Variants in IARS2 observed in about 807,000 individuals in gnomAD.
The protein encoded by IARS2 is isoleucyl-tRNA synthetase 2, mitochondrial.
IARS2 carries 56 observed loss-of-function variants against 126.3 expected under a neutral mutation model. That is an observed-to-expected ratio of 0.44 (90% CI 0.36 to 0.55). The LOEUF is 0.55. Among genes scored for constraint, IARS2 ranks in the 20% least tolerant of loss-of-function variants. The pLI is 0.00. For missense variants in IARS2, 1,127 were observed against 1,245.9 expected (o/e 0.90, Z 1.44); for synonymous variants, 407 against 441.1 (o/e 0.92, Z 0.97).
intron 8 of IARS2, among the ~76,000 whole-genome samples, chr1:220,105,664 A>G (rs1571846735): frequency 6.6e-6 from 1 of 152,222 alleles, no homozygotes; most frequent in African/African-American, 2.4e-5. Flanking sequence ...CTTAAACTAC[A>G]TTAACTCTGT....
At chr1:220,140,386 A>C in intron 19 of IARS2, 97 bp downstream of exon 19, 1 of 709,302 alleles carries the variant, frequency 1.4e-6, no homozygotes, top group Non-Finnish European at 2.4e-6. Flanking sequence ...CGGGTGGATG[A>C]CATGAGGCCA....
chr1:220,106,124 C>T, intron 9 of IARS2, 64 bp downstream of exon 9: 1 of 1,346,760 alleles, frequency 7.4e-7, no homozygotes, highest in Non-Finnish European at 1.0e-6. Flanking sequence ...TAAATTCTAA[C>T]CAACATCTTC....
intron 12 of IARS2, among the ~76,000 whole-genome samples, chr1:220,116,870 C>T (rs1384496141): frequency 1.3e-5 from 2 of 152,014 alleles, no homozygotes; most frequent in African/African-American, 4.8e-5. Context: ...CCTCAGCCTC[C>T]TGAGTAGCTG....
Position 220,140,979 on chromosome 1 carries a change from G to A in IARS2, c.2414+690G>A, listed in dbSNP as rs1416832920. On this transcript the variant is annotated intron_variant, in intron 19 of 22. Coordinates refer to ENST00000366922, the MANE Select transcript of IARS2 (RefSeq NM_018060.4). ...AGCCTGGGCGACAGAGCAAGACTCC[G>A]TCTCAAAAAAAAAAAAAAAAAAAGA... Among the ~76,000 whole-genome samples, 9 of 128,428 alleles carry A rather than the reference G, an allele frequency of 7.0e-5. No individual in the cohort carries two copies. In the East Asian group the frequency reaches 1.2e-3, roughly 18 times the overall value. 84.3% of individuals were successfully genotyped at this position (128,428 alleles called of 152,430 possible). A position where few individuals can be genotyped will look rare whatever the true frequency, so the allele number is the denominator to read the frequency against.
intron 1 of IARS2, 150 bp from the exon 2 acceptor site, chr1:220,095,954 C>T (rs910092468): frequency 3.2e-5 from 17 of 538,766 alleles, no homozygotes; most frequent in African/African-American, 2.6e-4. Context: ...TCAGAAACCT[C>T]ACCTTGTATT....
At chr1:220,127,600 G>A (rs966538404) in intron 14 of IARS2, among the ~76,000 whole-genome samples, 1 of 152,192 alleles carries the variant, frequency 6.6e-6, no homozygotes, top group African/African-American at 2.4e-5. Context: ...GGCAGTGATG[G>A]ATCACACAGT....
At chr1:220,106,762 A>G (rs948576288) in intron 9 of IARS2, among the ~76,000 whole-genome samples, 19 of 151,556 alleles carry the variant, frequency 1.3e-4, no homozygotes, top group African/African-American at 4.6e-4. Flanking sequence ...CCTCCCGAGT[A>G]GCTGGGACTA....
Position 220,129,478 on chromosome 1 carries a change from A to G in IARS2, c.1837+2635A>G, listed in dbSNP as rs1657217535. ...ATCCCGTATATGTAACTCCTTTTCTATCCTCATTGACCAAACTCTCTTCAT... is the reference window on the plus strand; with the variant it reads ...ATCCCGTATATGTAACTCCTTTTCTGTCCTCATTGACCAAACTCTCTTCAT... On this transcript the variant is annotated intron_variant, in intron 14 of 22. Coordinates refer to ENST00000366922, the MANE Select transcript of IARS2 (RefSeq NM_018060.4). Among the ~76,000 whole-genome samples, 6 of 152,236 alleles carry G rather than the reference A, an allele frequency of 3.9e-5. No homozygotes were observed. The South Asian group carries it at 1.2e-3, about 32-fold the overall frequency.
At chr1:220,141,042 C>T (rs940218828) in intron 19 of IARS2, among the ~76,000 whole-genome samples, 1 of 151,308 alleles carries the variant, frequency 6.6e-6, no homozygotes, top group Non-Finnish European at 1.5e-5. Flanking sequence ...AAAGGTTTGA[C>T]CTCCCGCTTA....
intron 12 of IARS2, among the ~76,000 whole-genome samples, chr1:220,121,686 C>G (rs1380436713): frequency 6.6e-6 from 1 of 152,090 alleles, no homozygotes; most frequent in South Asian, 2.1e-4. Flanking sequence ...CTCAAGTGAT[C>G]CTCCTGCCTT....
chr1:220,104,059 A>T (rs1045939092), intron 8 of IARS2, among the ~76,000 whole-genome samples: 6 of 152,114 alleles, frequency 3.9e-5, no homozygotes, highest in Non-Finnish European at 5.9e-5. Flanking sequence ...TTGCAGCCTC[A>T]AACTCCCGGG....
chr1:220,144,086 A>G (rs1311192396), intron 21 of IARS2: 11 of 1,058,872 alleles, frequency 1.0e-5, no homozygotes, highest in East Asian at 7.1e-5. Context: ...TTATTTTGCC[A>G]TTTTTCTAGA....
chr1:220,128,810 C>T (rs186935740), intron 14 of IARS2, among the ~76,000 whole-genome samples: 1 of 152,010 alleles, frequency 6.6e-6, no homozygotes, highest in East Asian at 1.9e-4. Flanking sequence ...GTTAAGTGCA[C>T]GTTATATTTG....
chr1:220,113,662 A>C (rs1001190970), intron 11 of IARS2, among the ~76,000 whole-genome samples: 3 of 152,074 alleles, frequency 2.0e-5, no homozygotes, highest in Non-Finnish European at 4.4e-5. Flanking sequence ...GATTTATTTT[A>C]GAGACAGGCT....
intron 17 of IARS2, among the ~76,000 whole-genome samples, chr1:220,138,325 G>T (rs1490197788): frequency 6.6e-6 from 1 of 152,074 alleles, no homozygotes; most frequent in Non-Finnish European, 1.5e-5. Context: ...ACAAAAATTA[G>T]CTGGGCATGG....
rs566538667 is a variant in IARS2, at chr1:220,147,669, A to G, written c.*34A>G. The G allele has an allele frequency of 4.4e-4, 715 of 1,610,352 alleles. 6 individuals are homozygous for G. In the South Asian group the frequency reaches 7.3e-3, roughly 16 times the overall value. ...GCTCACTCGAGCAAGAACCCTCCTG[A>G]CAGTACTGGCTAGAAGTTTGGATGG... On this transcript the variant is annotated 3_prime_UTR_variant, in exon 23 of 23. Transcript: ENST00000366922.
intron 1 of IARS2, 29 bp from the exon 2 acceptor site, chr1:220,096,075 T>C: frequency 7.9e-7 from 1 of 1,262,938 alleles, no homozygotes; most frequent in Non-Finnish European, 1.1e-6. Context: ...TTATATGATG[T>C]TTAGATATCT....
chr1:220,144,551 G>C (rs1657552864), intron 21 of IARS2, among the ~76,000 whole-genome samples: 1 of 152,132 alleles, frequency 6.6e-6, no homozygotes, highest in Admixed American at 6.5e-5. Flanking sequence ...TTTAAAACTT[G>C]GGAAGCTGTT....
At chr1:220,143,781 A>G (rs1159458785) in intron 21 of IARS2, among the ~76,000 whole-genome samples, 1 of 152,188 alleles carries the variant, frequency 6.6e-6, no homozygotes, top group African/African-American at 2.4e-5. Context: ...TTTTATTTCT[A>G]GAAGGGCCAT....
Sources: allele counts gnomAD v4.1 joint callset (sites outside exome capture counted in the v4.1 genomes callset), GRCh38; gene constraint gnomAD v4.1.1; transcripts MANE v1.5; gene names NCBI Gene and HGNC (gene_info 2026-07-23, HGNC 2026-07-21).